CCDC57: variants seen among roughly 807,000 people sequenced by gnomAD.
CCDC57 encodes coiled-coil domain containing 57.
A neutral mutation model predicts 118.9 loss-of-function variants in CCDC57; 118 were observed. The ratio of observed to expected loss-of-function variants is 0.99; its 90% CI spans 0.86 to 1.16. The LOEUF is 1.16. CCDC57 is among the 50% of genes most tolerant of loss of function. CCDC57 has a pLI of 0.00. For synonymous variants in CCDC57, 527 were observed against 532.9 expected, an observed-to-expected ratio of 0.99 and a Z score of 0.15; for missense variants, 1,300 against 1,320.7, an observed-to-expected ratio of 0.98 and a Z score of 0.24.
At chr17:82,169,824 C>A (rs1568344634) in intron 13 of CCDC57, among the ~76,000 whole-genome samples, 1 of 152,128 alleles carries the variant, frequency 6.6e-6, no homozygotes, top group Non-Finnish European at 1.5e-5. Context: ...GGACTAACCA[C>A]AATGGAATAG....
chr17:82,196,398 G>A (rs2048303910), intron 4 of CCDC57, among the ~76,000 whole-genome samples: 1 of 152,190 alleles, frequency 6.6e-6, no homozygotes, highest in Non-Finnish European at 1.5e-5. Flanking sequence ...TCCTCTGCAG[G>A]CCATTTCAGA....
intron 16 of CCDC57, among the ~76,000 whole-genome samples, chr17:82,137,966 C>T (rs1276369384): frequency 6.6e-6 from 1 of 151,502 alleles, no homozygotes; most frequent in Non-Finnish European, 1.5e-5. Flanking sequence ...GCCACTGTGC[C>T]CAGCCCCAGG....
intron 7 of CCDC57, among the ~76,000 whole-genome samples, chr17:82,189,876 G>A (rs1337943371): frequency 6.6e-6 from 1 of 151,974 alleles, no homozygotes. Flanking sequence ...CGGGCATGGT[G>A]GCATGCGCCT....
intron 3 of CCDC57, among the ~76,000 whole-genome samples, chr17:82,199,491 G>C: frequency 1.2e-5 from 1 of 84,356 alleles, no homozygotes; most frequent in South Asian, 4.3e-4. Context: ...AAAAAAAAAA[G>C]AGTGTGAGAC....
At chr17:82,113,641 A>C (rs775550104) in intron 19 of CCDC57, 28 of 717,024 alleles carry the variant, frequency 3.9e-5, no homozygotes, top group Non-Finnish European at 6.8e-5. Context: ...GAAGGGCTCC[A>C]CTCCACGCCA....
intron 17 of CCDC57, among the ~76,000 whole-genome samples, chr17:82,133,580 G>C (rs2038743143): frequency 6.6e-6 from 1 of 151,900 alleles, no homozygotes; most frequent in Non-Finnish European, 1.5e-5. Flanking sequence ...AAAAATGGGG[G>C]CTGGGCGCGG....
intron 13 of CCDC57, among the ~76,000 whole-genome samples, chr17:82,165,880 G>A (rs541065797): frequency 2.0e-5 from 3 of 152,260 alleles, no homozygotes; most frequent in Admixed American, 1.3e-4. Context: ...CCACCAGAGC[G>A]GGCCAGGATG....
chr17:82,129,945 C>G (rs1275689445), intron 17 of CCDC57, among the ~76,000 whole-genome samples: 1 of 151,834 alleles, frequency 6.6e-6, no homozygotes, highest in African/African-American at 2.4e-5. Flanking sequence ...ACCTGTAACC[C>G]TAGCACTTTG....
At chr17:82,161,303 G>A (rs1427777567) in intron 14 of CCDC57, among the ~76,000 whole-genome samples, 1 of 152,042 alleles carries the variant, frequency 6.6e-6, no homozygotes, top group Non-Finnish European at 1.5e-5. Context: ...GCTCCTCAGA[G>A]GGTTAAACAC....
chr17:82,117,450 G>C (rs1399221056), intron 19 of CCDC57, among the ~76,000 whole-genome samples: 2 of 152,208 alleles, frequency 1.3e-5, no homozygotes, highest in African/African-American at 4.8e-5. Flanking sequence ...AGACCAGCCT[G>C]GGCAACATGG....
intron 16 of CCDC57, among the ~76,000 whole-genome samples, chr17:82,136,580 CAAA>C (rs761497406): frequency 1.5e-3 from 118 of 80,796 alleles, no homozygotes; most frequent in African/African-American, 4.3e-3. Context: ...TGTATAGTAC[CAAA>C]AAAAAAAAAA....
chr17:82,193,673 G>A (rs1368703277), intron 7 of CCDC57, 83 bp downstream of exon 6: 2 of 1,264,158 alleles, frequency 1.6e-6, no homozygotes, highest in Non-Finnish European at 1.1e-6. Context: ...TCTGCTCCCT[G>A]GGCCATCAGC....
intron 16 of CCDC57, among the ~76,000 whole-genome samples, chr17:82,139,196 G>T (rs1370142777): frequency 6.6e-6 from 1 of 152,156 alleles, no homozygotes; most frequent in East Asian, 1.9e-4. Context: ...ACTTTGTCTA[G>T]AACTCTTTTT....
At chr17:82,153,045 C>T (rs1361613921) in intron 15 of CCDC57, among the ~76,000 whole-genome samples, 1 of 152,256 alleles carries the variant, frequency 6.6e-6, no homozygotes, top group Non-Finnish European at 1.5e-5. Context: ...CGAGTCCAGA[C>T]TCGCTTCCTC....
chr17:82,147,657 A>T, intron 16 of CCDC57, among the ~76,000 whole-genome samples: 1 of 120,906 alleles, frequency 8.3e-6, no homozygotes, highest in African/African-American at 3.2e-5. Context: ...GGATGGATAC[A>T]TGGAAGGGTG....
At chr17:82,102,410 C>A (rs2034513807) in intron 19 of CCDC57, among the ~76,000 whole-genome samples, 1 of 152,268 alleles carries the variant, frequency 6.6e-6, no homozygotes, top group Admixed American at 6.5e-5. Flanking sequence ...GAGTGCGCTA[C>A]ACACAGAGGC....
At chr17:82,207,002 G>A (rs2049741670) in intron 2 of CCDC57, among the ~76,000 whole-genome samples, 1 of 152,056 alleles carries the variant, frequency 6.6e-6, no homozygotes, top group Admixed American at 6.5e-5. Flanking sequence ...TTTTGCCTGG[G>A]GACTAGACTG....
intron 16 of CCDC57, among the ~76,000 whole-genome samples, chr17:82,139,889 C>T (rs1463619587): frequency 6.6e-6 from 1 of 152,168 alleles, no homozygotes; most frequent in Non-Finnish European, 1.5e-5. Flanking sequence ...AAGAACGGAC[C>T]TCACAGGAGG....
intron 15 of CCDC57, among the ~76,000 whole-genome samples, chr17:82,153,240 G>A (rs1451847337): frequency 1.3e-5 from 2 of 152,202 alleles, no homozygotes; most frequent in African/African-American, 4.8e-5. Context: ...CTGGGGGAGA[G>A]GGGCCAGGCA....
Sources: allele counts gnomAD v4.1 joint callset (sites outside exome capture counted in the v4.1 genomes callset), GRCh38; gene constraint gnomAD v4.1.1; transcripts MANE v1.5; gene names NCBI Gene and HGNC (gene_info 2026-07-23, HGNC 2026-07-21).